The following SLC22A25 variants were observed in gnomAD, a reference collection of about 807,000 sequenced individuals.
SLC22A25 encodes solute carrier family 22 member 25.
A neutral mutation model predicts 45.9 loss-of-function variants in SLC22A25; 44 were observed. That is an observed-to-expected ratio of 0.96 (90% CI 0.75 to 1.23). The LOEUF (loss-of-function observed/expected upper bound fraction) is 1.23. SLC22A25 is among the 50% of genes most tolerant of loss of function. The pLI, the probability that SLC22A25 is intolerant of heterozygous loss-of-function variation, is 0.00. For synonymous variants in SLC22A25, 283 were observed against 238.6 expected, an observed-to-expected ratio of 1.19 and a Z score of -1.72; for missense variants, 800 against 666.4, an observed-to-expected ratio of 1.20 and a Z score of -2.21.
At chr11:63,206,336 A>G (rs1264040854) in intron 7 of SLC22A25, among the ~76,000 whole-genome samples, 1 of 152,216 alleles carries the variant, frequency 6.6e-6, no homozygotes, top group Non-Finnish European at 1.5e-5. Context: ...GGAAGAGAGG[A>G]AGTCAAAATC....
chr11:63,195,381 G>T (rs1248113009), intron 7 of SLC22A25, among the ~76,000 whole-genome samples: 3 of 152,066 alleles, frequency 2.0e-5, no homozygotes, highest in Non-Finnish European at 4.4e-5. Context: ...AAATGTAAAA[G>T]AACAGAAATC....
At chr11:63,207,644 C>T (rs562401955) in intron 7 of SLC22A25, among the ~76,000 whole-genome samples, 4 of 152,196 alleles carry the variant, frequency 2.6e-5, no homozygotes, top group Admixed American at 1.3e-4. Context: ...AAACCCAATT[C>T]CCCCTGAGAA....
At chr11:63,165,305 A>G (rs2087642111) in intron 10 of SLC22A25, among the ~76,000 whole-genome samples, 1 of 151,620 alleles carries the variant, frequency 6.6e-6, no homozygotes, top group Non-Finnish European at 1.5e-5. Flanking sequence ...CCAGACTGGT[A>G]TCACTGCTGA....
intron 5 of SLC22A25, among the ~76,000 whole-genome samples, chr11:63,221,095 A>G (rs1024064629): frequency 1.3e-5 from 2 of 152,150 alleles, no homozygotes; most frequent in Admixed American, 6.6e-5. Context: ...TGGAGAGCAG[A>G]TATCCTTTCC....
chr11:63,196,557 C>T (rs572728104), intron 7 of SLC22A25, among the ~76,000 whole-genome samples: 26 of 152,182 alleles, frequency 1.7e-4, no homozygotes, highest in Middle Eastern at 3.4e-3. Context: ...ATTCAACAGC[C>T]CTTCATGCTG....
chr11:63,221,942 A>C (rs1203826948), intron 5 of SLC22A25, among the ~76,000 whole-genome samples: 4 of 151,900 alleles, frequency 2.6e-5, no homozygotes, highest in Non-Finnish European at 5.9e-5. Flanking sequence ...TTCACTGTAG[A>C]TGTATGGATT....
Position 63,243,503 on chromosome 11 carries a change from T to A in SLC22A25, c.-1065A>T. On this transcript the variant is annotated 5_prime_UTR_variant, in exon 1 of 12. Coordinates refer to ENST00000306494, the MANE Select transcript of SLC22A25 (RefSeq NM_199352.6). ...GCAACTCCTGGGTGCTGTCTGCATG[T>A]TCCTGGCCTCCAGGCTCAAAGAGTC... 1.3e-6 allele frequency: 1 copy of A among 762,842 alleles called. No individual in the cohort carries two copies. Among genetic ancestry groups the A allele is most frequent in the Non-Finnish European group, 2.5e-6 (1 of 407,724 alleles). The allele number at this position is 762,842 out of a possible 1,614,324, so 47.3% of individuals were successfully genotyped here. A position where few individuals can be genotyped will look rare whatever the true frequency, so the allele number is the denominator to read the frequency against.
intron 5 of SLC22A25, among the ~76,000 whole-genome samples, chr11:63,220,369 C>T (rs781074222): frequency 6.6e-6 from 1 of 152,182 alleles, no homozygotes; most frequent in Non-Finnish European, 1.5e-5. Context: ...AATTCCATGT[C>T]GTGAAACATG....
chr11:63,185,944 TG>T (rs1269809850), intron 7 of SLC22A25, among the ~76,000 whole-genome samples: 6 of 151,752 alleles, frequency 4.0e-5, no homozygotes, highest in Non-Finnish European at 7.4e-5. Flanking sequence ...AGTCTATCAG[TG>T]TTGGACATTT....
intron 5 of SLC22A25, among the ~76,000 whole-genome samples, chr11:63,221,273 T>A (rs1178102915): frequency 6.6e-6 from 1 of 152,164 alleles, no homozygotes; most frequent in Non-Finnish European, 1.5e-5. Flanking sequence ...TTTCTCCACA[T>A]CCTCACCAGC....
At chr11:63,193,290 C>T (rs1450365823) in intron 7 of SLC22A25, among the ~76,000 whole-genome samples, 1 of 152,160 alleles carries the variant, frequency 6.6e-6, no homozygotes, top group Non-Finnish European at 1.5e-5. Flanking sequence ...AGCAGTGGTC[C>T]TCCTACCATG....
At chr11:63,216,514 A>G (rs1278659233) in intron 7 of SLC22A25, among the ~76,000 whole-genome samples, 1 of 152,214 alleles carries the variant, frequency 6.6e-6, no homozygotes, top group Non-Finnish European at 1.5e-5. Flanking sequence ...AAATTGGTAC[A>G]TATATACACC....
At chr11:63,211,440 C>T (rs937459359) in intron 7 of SLC22A25, among the ~76,000 whole-genome samples, 19 of 152,102 alleles carry the variant, frequency 1.2e-4, no homozygotes, top group African/African-American at 2.9e-4. Flanking sequence ...GCTGAGGCCA[C>T]GTGGTTCACA....
chr11:63,183,105 G>A (rs1219438404), intron 8 of SLC22A25, among the ~76,000 whole-genome samples: 1 of 151,958 alleles, frequency 6.6e-6, no homozygotes, highest in Non-Finnish European at 1.5e-5. Context: ...AAAAGATAAA[G>A]ACTTCCCCCA....
intron 7 of SLC22A25, 97 bp downstream of exon 7, chr11:63,217,217 A>G: frequency 7.2e-7 from 1 of 1,396,934 alleles, no homozygotes. Flanking sequence ...AATGTACTCA[A>G]GGCTAGATAG....
chr11:63,194,574 T>A (rs1203548726), intron 7 of SLC22A25, among the ~76,000 whole-genome samples: 1 of 151,850 alleles, frequency 6.6e-6, no homozygotes, highest in Non-Finnish European at 1.5e-5. Context: ...GCACTAAACA[T>A]GGAAAGGAAC....
intron 5 of SLC22A25, among the ~76,000 whole-genome samples, chr11:63,225,298 C>T (rs2089937066): frequency 6.6e-6 from 1 of 152,076 alleles, no homozygotes. Context: ...TTTCCTTTAG[C>T]ATTTCTTGTA....
intron 3 of SLC22A25, among the ~76,000 whole-genome samples, chr11:63,230,626 A>G (rs1039799271): frequency 2.6e-5 from 4 of 152,190 alleles, no homozygotes; most frequent in African/African-American, 7.2e-5. Flanking sequence ...TTTACCATAC[A>G]GTTCACCCTT....
intron 7 of SLC22A25, among the ~76,000 whole-genome samples, chr11:63,188,720 C>A (rs182254616): frequency 1.3e-5 from 2 of 151,896 alleles, no homozygotes; most frequent in African/African-American, 4.8e-5. Context: ...GCTTTGAATG[C>A]GTCCCAGAGA....
Sources: allele counts gnomAD v4.1 joint callset (sites outside exome capture counted in the v4.1 genomes callset), GRCh38; gene constraint gnomAD v4.1.1; transcripts MANE v1.5; gene names NCBI Gene and HGNC (gene_info 2026-07-23, HGNC 2026-07-21).